The following KMT2C variants were observed in gnomAD, a reference collection of about 807,000 sequenced individuals.
KMT2C encodes the protein lysine methyltransferase 2C.
A neutral mutation model predicts 507.9 loss-of-function variants in KMT2C; 88 were observed. That is an observed-to-expected ratio of 0.17 (90% CI 0.15 to 0.21). The LOEUF (loss-of-function observed/expected upper bound fraction) is 0.21, where lower values mean the gene tolerates loss of function less well. KMT2C is among the 10% of genes least tolerant of loss of function. The pLI is 1.00. For synonymous variants in KMT2C, 2,049 were observed against 2,080.8 expected (o/e 0.98, Z 0.42); for missense variants, 4,954 against 5,957.8 (o/e 0.83, Z 5.55).
At chr7:152,383,515 G>A (rs1420039675) in intron 1 of KMT2C, among the ~76,000 whole-genome samples, 1 of 152,192 alleles carries the variant, frequency 6.6e-6, no homozygotes, top group African/African-American at 2.4e-5. Flanking sequence ...AGGAAGCCGG[G>A]AAACCCTGGG....
Position 152,364,926 on chromosome 7 carries a change from AACAG to A in KMT2C, c.162-6255_162-6252del, listed in dbSNP as rs765820811. Among the ~76,000 whole-genome samples, 1,095 of 144,462 alleles carry A rather than the reference AACAG, an allele frequency of 7.6e-3. 14 individuals carry two copies. Among genetic ancestry groups the A allele is most frequent in the African/African-American group, 0.026 (1,031 of 39,304 alleles). 94.8% of individuals were successfully genotyped at this position (144,462 alleles called of 152,430 possible). ...CAGATCCAAGCACAACAAAATCTGA[AACAG>A]ACAGACACACACACACACACACACA... On this transcript the variant is annotated intron_variant, in intron 1 of 58. Transcript: ENST00000262189.
At position 152,144,061 on chromosome 7, in the gene KMT2C, C is replaced by T. The variant is rs959252626; in HGVS notation, c.14343+652G>A. On this transcript the variant is annotated intron_variant, in intron 55 of 58. Coordinates refer to ENST00000262189, the MANE Select transcript of KMT2C (RefSeq NM_170606.3). The surrounding 1 kb of genome is among the most constrained non-coding windows in gnomAD (Gnocchi z 4.4). ...CAGTACTGAGGCCAATGTACACAAA[C>T]GGTAACATCACTCAGCAAGGAGCTT... Among the ~76,000 whole-genome samples the T allele has an allele frequency of 6.6e-6, 1 of 152,160 alleles. No individual in the cohort carries two copies. The highest frequency in any genetic ancestry group is 6.5e-5 in the Admixed American group (1 of 15,284).
At chr7:152,158,410 G>A (rs1218653598) in intron 44 of KMT2C, among the ~76,000 whole-genome samples, 1 of 152,082 alleles carries the variant, frequency 6.6e-6, no homozygotes, top group Non-Finnish European at 1.5e-5. Flanking sequence ...GTAAATTTCA[G>A]ATGCCAATAG....
intron 3 of KMT2C, among the ~76,000 whole-genome samples, chr7:152,323,543 G>C (rs1216665288): frequency 1.3e-5 from 2 of 151,444 alleles, no homozygotes; most frequent in African/African-American, 4.8e-5. Context: ...GGAGGCTGTG[G>C]TGGGAGGATT....
chr7:152,257,747 A>T (rs923994712), intron 9 of KMT2C, among the ~76,000 whole-genome samples: 7 of 152,134 alleles, frequency 4.6e-5, no homozygotes, highest in African/African-American at 1.7e-4. Context: ...TATATACGTT[A>T]AGTGTAGGGG....
chr7:152,157,314 C>A (rs185894833), intron 44 of KMT2C, among the ~76,000 whole-genome samples: 5 of 139,698 alleles, frequency 3.6e-5, no homozygotes, highest in Admixed American at 1.5e-4. Flanking sequence ...GGTGACAGAG[C>A]GAGACCCTGT....
At chr7:152,221,896 T>G in intron 22 of KMT2C, 105 bp downstream of exon 22, 1 of 733,334 alleles carries the variant, frequency 1.4e-6, no homozygotes, top group Non-Finnish European at 2.3e-6. Context: ...AGAATTTGGA[T>G]AGAACACCCA....
chr7:152,231,545 C>G (rs566394589), intron 16 of KMT2C, among the ~76,000 whole-genome samples: 1,779 of 152,320 alleles, frequency 0.012, 2 homozygotes, highest in African/African-American at 0.041. Context: ...CTTTGGGAGG[C>G]TAAAGTGGGT....
At chr7:152,221,834 T>G (rs2094781331) in intron 22 of KMT2C, among the ~76,000 whole-genome samples, 167 bp downstream of exon 22, 1 of 152,194 alleles carries the variant, frequency 6.6e-6, no homozygotes, top group African/African-American at 2.4e-5. Context: ...ACTGCCCCAG[T>G]AAAGCTGGAT....
chr7:152,139,827 G>C (rs2090322115), intron 55 of KMT2C, 36 bp from the exon 56 acceptor site: 1 of 1,425,320 alleles, frequency 7.0e-7, no homozygotes, highest in Non-Finnish European at 9.9e-7. Context: ...CAATTTATGT[G>C]ACAACAAGTC....
rs146362011 is a variant in KMT2C, at chr7:152,138,712, A to C, written c.14643+84T>G. 2 of 842,112 alleles carry C rather than the reference A, an allele frequency of 2.4e-6. No individual in the cohort carries two copies. Among genetic ancestry groups the C allele is most frequent in the Non-Finnish European group, 3.8e-6 (2 of 520,842 alleles). The allele number at this position is 842,112 out of a possible 1,614,324, so 52.2% of individuals were successfully genotyped here. A position where few individuals can be genotyped will look rare whatever the true frequency, so the allele number is the denominator to read the frequency against. Reference sequence around the variant, plus strand: ...TTATCACAACAAAGAATTGGGAAACAAGTGAGTAAGTGACCTGTGTGAGGA... The same window carrying C: ...TTATCACAACAAAGAATTGGGAAACCAGTGAGTAAGTGACCTGTGTGAGGA... On this transcript the variant is annotated intron_variant, in intron 58 of 58. Transcript: ENST00000262189. This position sits in a 1 kb window ranked among gnomAD's most constrained non-coding sequence, Gnocchi z 4.2.
chr7:152,349,055 G>C (rs1244971661), intron 2 of KMT2C, among the ~76,000 whole-genome samples: 1 of 152,178 alleles, frequency 6.6e-6, no homozygotes, highest in Non-Finnish European at 1.5e-5. Flanking sequence ...GGTGCAAATA[G>C]AAATTCCATC....
At chr7:152,368,476 G>T in intron 1 of KMT2C, 1 of 1,245,994 alleles carries the variant, frequency 8.0e-7, no homozygotes, top group Non-Finnish European at 1.2e-6. Context: ...AAAGGACTCT[G>T]AAGCTGAGCT....
intron 25 of KMT2C, among the ~76,000 whole-genome samples, chr7:152,203,277 TAATA>T (rs527367549): frequency 1.8e-3 from 281 of 152,150 alleles, no homozygotes; most frequent in African/African-American, 6.5e-3. Flanking sequence ...CCTATTTTCT[TAATA>T]ATCGATTACA....
intron 4 of KMT2C, 154 bp from the exon 5 acceptor site, chr7:152,312,100 C>G (rs2096677447): frequency 4.0e-6 from 2 of 504,112 alleles, no homozygotes; most frequent in Admixed American, 3.5e-5. Context: ...TTAGTATTAT[C>G]CATGGTATAA....
At chr7:152,203,484 C>T (rs563806947) in intron 25 of KMT2C, among the ~76,000 whole-genome samples, 30 of 152,056 alleles carry the variant, frequency 2.0e-4, no homozygotes, top group African/African-American at 7.0e-4. Flanking sequence ...AAAGTGTGTC[C>T]TTTAATACAG....
intron 6 of KMT2C, among the ~76,000 whole-genome samples, chr7:152,307,914 G>A (rs1264217784): frequency 6.6e-6 from 1 of 152,070 alleles, no homozygotes; most frequent in African/African-American, 2.4e-5. Flanking sequence ...AGCTCATTTA[G>A]CCTTTGTTAC....
intron 20 of KMT2C, among the ~76,000 whole-genome samples, chr7:152,223,097 A>G (rs1331955217): frequency 6.6e-6 from 1 of 152,236 alleles, no homozygotes; most frequent in Non-Finnish European, 1.5e-5. Flanking sequence ...TTGAATGGTA[A>G]TCGGGAAATT....
At chr7:152,359,359 A>T (rs2097177543) in intron 1 of KMT2C, among the ~76,000 whole-genome samples, 1 of 152,140 alleles carries the variant, frequency 6.6e-6, no homozygotes, top group Non-Finnish European at 1.5e-5. Context: ...AATGAGTAAA[A>T]GAAAAATTAA....
Sources: allele counts gnomAD v4.1 joint callset (sites outside exome capture counted in the v4.1 genomes callset), GRCh38; gene constraint gnomAD v4.1.1; non-coding constraint Gnocchi (gnomAD v3.1); transcripts MANE v1.5; gene names NCBI Gene and HGNC (gene_info 2026-07-23, HGNC 2026-07-21).